The following EMC1 variants were observed in gnomAD, a reference collection of about 807,000 sequenced individuals.
The protein encoded by EMC1 is ER membrane protein complex subunit 1.
Under a neutral mutation model 128.8 loss-of-function variants are expected in EMC1, and 103 were observed. The observed-to-expected ratio is 0.80, with a 90% CI of 0.68 to 0.94. The LOEUF is 0.94. Ranked by LOEUF, EMC1 falls within the 40% of genes least tolerant of loss-of-function variation. The pLI is 0.00. For synonymous variants in EMC1, 442 were observed against 490.4 expected (o/e 0.90, Z 1.30); for missense variants, 1,083 against 1,250.6 (o/e 0.87, Z 2.02).
chr1:19,230,209 T>C (rs2093509085), intron 17 of EMC1, among the ~76,000 whole-genome samples: 2 of 151,956 alleles, frequency 1.3e-5, no homozygotes, highest in African/African-American at 2.4e-5. Context: ...GTACAACTTA[T>C]TACTCAACCC....
chr1:19,244,074 A>T (rs747254147), intron 2 of EMC1, 59 bp from the exon 3 acceptor site: 284 of 1,529,862 alleles, frequency 1.9e-4, no homozygotes, highest in Non-Finnish European at 1.8e-4. Flanking sequence ...CAGAAGACTA[A>T]GAAATAAATG....
In EMC1 at chr1:19,244,907, G is replaced by C. The variant is rs888960451; in HGVS notation, c.219C>G (p.Ile73Met). The C allele has an allele frequency of 3.7e-6, 6 of 1,613,516 alleles. No homozygotes were observed. The South Asian group carries it at 4.4e-5, about 12-fold the overall frequency. Residue 73 changes from isoleucine to methionine, a missense_variant and splice_region_variant, in exon 2 of 23, where the codon ATC becomes ATG. Physicochemically the swap from Ile to Met is conservative, Grantham distance 10. Transcript: ENST00000477853. ...IAALNSRTGEILWRHVDKGTA... is the reference protein window; with the variant it reads ...IAALNSRTGEMLWRHVDKGTA... ...AGACACAGTTCTCAGTTCACTCACA[G>C]ATCTCCCCAGTTCGGGAATTTAATG...
intron 12 of EMC1, 152 bp downstream of exon 12, chr1:19,236,990 A>C (rs1185367576): frequency 1.1e-5 from 6 of 551,288 alleles, no homozygotes; most frequent in Middle Eastern, 4.0e-4. Flanking sequence ...AAAAAAAAAA[A>C]AGCAGGTGAC....
chr1:19,239,324 A>G, intron 8 of EMC1, 22 bp from the exon 9 acceptor site: 1 of 1,611,774 alleles, frequency 6.2e-7, no homozygotes, highest in Non-Finnish European at 8.5e-7. Context: ...GCAAGGCATC[A>G]GCTCCTAAAT....
chr1:19,238,666 A>G (rs962383645), intron 10 of EMC1, 129 bp downstream of exon 10: 2 of 662,724 alleles, frequency 3.0e-6, no homozygotes, highest in Non-Finnish European at 5.4e-6. Context: ...TTTAATTTAC[A>G]GTACTTAGGA....
intron 21 of EMC1, 77 bp from the exon 22 acceptor site, chr1:19,219,775 G>A: frequency 6.4e-7 from 1 of 1,569,194 alleles, no homozygotes; most frequent in Non-Finnish European, 8.7e-7. Flanking sequence ...CTGAGTCCTG[G>A]GAGGTTTCCA....
chr1:19,239,980 G>A lies in EMC1; in HGVS notation c.792C>T (p.Leu264=), dbSNP rs747663841. ...WELRQIPLQS[L]DLEFGSGFQP... is the part of the protein sequence containing the mutation. ...GGAATCCACTTCCAAATTCTAAGTC[G>A]AGAGACTGGAAGGCAAGAAGGAGGA... Residue 264 remains leucine (L), a synonymous_variant, in exon 8 of 23, where the codon CTC becomes CTT. Transcript: ENST00000477853. 6 of 1,610,568 alleles carry A rather than the reference G, an allele frequency of 3.7e-6. No individual in the cohort carries two copies. Among genetic ancestry groups the A allele is most frequent in the Non-Finnish European group, 5.1e-6 (6 of 1,177,616 alleles).
At chr1:19,219,841 AAATTTAGCAGCTG>A (rs1347240188) in intron 21 of EMC1, 143 bp from the exon 22 acceptor site, 1 of 810,402 alleles carries the variant, frequency 1.2e-6, no homozygotes, top group Non-Finnish European at 1.9e-6. Flanking sequence ...AGGTAGTTAA[AAATTTAGCAGCTG>A]AATGTTAGGA....
intron 17 of EMC1, among the ~76,000 whole-genome samples, chr1:19,227,931 C>T (rs1237108472): frequency 4.0e-5 from 6 of 150,518 alleles, no homozygotes; most frequent in Non-Finnish European, 8.9e-5. Context: ...CTAGACCGGG[C>T]GTGGTGGCTC....
intron 1 of EMC1, among the ~76,000 whole-genome samples, chr1:19,251,026 C>A (rs2093656727): frequency 6.6e-6 from 1 of 152,184 alleles, no homozygotes; most frequent in Non-Finnish European, 1.5e-5. Context: ...GCCTACAAGA[C>A]ACCAATTCGA....
chr1:19,235,558 A>G (rs1457001498), intron 12 of EMC1, among the ~76,000 whole-genome samples: 1 of 152,156 alleles, frequency 6.6e-6, no homozygotes, highest in Non-Finnish European at 1.5e-5. Flanking sequence ...AAAATTAGCC[A>G]GGCATGATGG....
rs1350147263 is a variant in EMC1, at chr1:19,216,589, G to C, written c.*2714C>G. On this transcript the variant is annotated 3_prime_UTR_variant, in exon 23 of 23. Coordinates refer to ENST00000477853, the MANE Select transcript of EMC1 (RefSeq NM_015047.3). ...CCATTAGTTGAAAAAACAAGTAACA[G>C]AATTAAATAGCATCATCTCATTTAA... The C allele has an allele frequency of 6.6e-6, 1 of 152,108 alleles. No individual in the cohort carries two copies. The highest frequency in any genetic ancestry group is 1.5e-5 in the Non-Finnish European group (1 of 67,996). The allele number at this position is 152,108 out of a possible 1,614,324, so 9.4% of individuals were successfully genotyped here.
chr1:19,244,165 C>A, intron 2 of EMC1, 150 bp from the exon 3 acceptor site: 1 of 746,908 alleles, frequency 1.3e-6, no homozygotes. Context: ...GTGATCCAGT[C>A]CCATTCACGG....
chr1:19,223,856 T>G (rs982372467), intron 18 of EMC1, among the ~76,000 whole-genome samples: 4 of 152,172 alleles, frequency 2.6e-5, no homozygotes, highest in Admixed American at 2.6e-4. Flanking sequence ...TTAAGCAGCT[T>G]TTCAAGTCAC....
intron 7 of EMC1, 149 bp from the exon 8 acceptor site, chr1:19,240,134 G>C: frequency 1.7e-6 from 2 of 1,197,286 alleles, no homozygotes; most frequent in Non-Finnish European, 2.3e-6. Context: ...TCCCCAAAGA[G>C]GAAAGTGACT....
At chr1:19,246,163 G>A (rs2093631362) in intron 1 of EMC1, among the ~76,000 whole-genome samples, 1 of 151,906 alleles carries the variant, frequency 6.6e-6, no homozygotes, top group Non-Finnish European at 1.5e-5. Context: ...GGCCAAGGTG[G>A]GTGGATCATT....
At chr1:19,225,629 G>A (rs1201032834) in intron 18 of EMC1, among the ~76,000 whole-genome samples, 1 of 151,792 alleles carries the variant, frequency 6.6e-6, no homozygotes, top group Non-Finnish European at 1.5e-5. Context: ...CCTGGTGAAA[G>A]AGCAAGACTC....
chr1:19,246,155 C>A (rs2093631325), intron 1 of EMC1, among the ~76,000 whole-genome samples: 1 of 151,842 alleles, frequency 6.6e-6, no homozygotes, highest in African/African-American at 2.4e-5. Flanking sequence ...CTTTGGGAGG[C>A]CAAGGTGGGT....
intron 17 of EMC1, among the ~76,000 whole-genome samples, chr1:19,228,862 G>A (rs1053262382): frequency 1.6e-4 from 25 of 152,104 alleles, no homozygotes; most frequent in Non-Finnish European, 3.5e-4. Context: ...GACCAGCCTG[G>A]TCAACATGGT....
Sources: gnomAD v4.1 joint callset for allele counts (sites outside exome capture counted in the v4.1 genomes callset) on GRCh38, gnomAD v4.1.1 for gene constraint, MANE v1.5 for transcripts, NCBI Gene and HGNC (gene_info 2026-07-23, HGNC 2026-07-21) for gene names.